Variants in FBXO4 observed in about 807,000 individuals in gnomAD.
FBXO4 encodes the protein F-box protein 4.
In FBXO4, 36 loss-of-function variants were observed where a neutral mutation model predicts 43.7. The observed-to-expected ratio is 0.82, with a 90% CI of 0.63 to 1.09. FBXO4 has a LOEUF of 1.09. Ranked by LOEUF, FBXO4 falls within the 50% of genes least tolerant of loss-of-function variation. FBXO4 has a pLI of 0.00. For synonymous variants in FBXO4, 180 were observed against 165.6 expected, an observed-to-expected ratio of 1.09 and a Z score of -0.67; for missense variants, 435 against 474.1, an observed-to-expected ratio of 0.92 and a Z score of 0.77.
downstream of FBXO4, among the ~76,000 whole-genome samples, chr5:41,945,194 C>G (rs984747226): frequency 1.6e-4 from 25 of 152,076 alleles, no homozygotes; most frequent in African/African-American, 6.0e-4. Flanking sequence ...AAGAAACTTT[C>G]AATACAACTA....
At chr5:41,986,702 A>G in the FBXO4 span, among the ~76,000 whole-genome samples, 1 of 152,162 alleles carries the variant, frequency 6.6e-6, no homozygotes, top group Non-Finnish European at 1.5e-5. Flanking sequence ...AAGATAGCAC[A>G]AAGACCCCAA....
the FBXO4 span, among the ~76,000 whole-genome samples, chr5:42,017,391 A>T: frequency 6.6e-6 from 1 of 152,044 alleles, no homozygotes; most frequent in African/African-American, 2.4e-5. Context: ...GACTTTTTTA[A>T]GGTAGTTTAT....
intron 5 of FBXO4, among the ~76,000 whole-genome samples, chr5:41,938,979 C>G (rs934819005): frequency 6.6e-6 from 1 of 152,220 alleles, no homozygotes; most frequent in African/African-American, 2.4e-5. Flanking sequence ...TTCTTAAAGT[C>G]AACCGTGTCT....
At chr5:42,022,750 A>T in the FBXO4 span, among the ~76,000 whole-genome samples, 1 of 152,080 alleles carries the variant, frequency 6.6e-6, no homozygotes, top group Non-Finnish European at 1.5e-5. Flanking sequence ...AAATAAAATC[A>T]CATGGTCTTT....
chr5:41,945,776 A>G (rs1266068379), downstream of FBXO4, among the ~76,000 whole-genome samples: 4 of 151,848 alleles, frequency 2.6e-5, no homozygotes, highest in Non-Finnish European at 5.9e-5. Flanking sequence ...GTTAAGGCAT[A>G]CTCCCTTCTG....
chr5:41,963,571 G>A, the FBXO4 span, among the ~76,000 whole-genome samples: 2 of 152,074 alleles, frequency 1.3e-5, no homozygotes, highest in Non-Finnish European at 2.9e-5. Flanking sequence ...TTTTGTATAC[G>A]TATTTTGTCT....
At chr5:41,972,583 A>G in the FBXO4 span, among the ~76,000 whole-genome samples, 3 of 152,302 alleles carry the variant, frequency 2.0e-5, no homozygotes, top group South Asian at 2.1e-4. Flanking sequence ...TCTAAAATTC[A>G]TATGGAACCA....
chr5:41,934,238 T>G lies in FBXO4; in HGVS notation c.828T>G (p.Ile276Met). 2 of 1,614,182 alleles carry G rather than the reference T, an allele frequency of 1.2e-6. No individual in the cohort carries two copies. The highest frequency in any genetic ancestry group is 1.7e-6 in the Non-Finnish European group (2 of 1,180,024). The change falls in exon 5 of 7, where the codon ATT becomes ATG. Residue 276 changes from isoleucine (I) to methionine (M), a missense_variant. Physicochemically the swap from Ile to Met is conservative, Grantham distance 10. Transcript: ENST00000281623. ...DDQQGSRYSV[I>M]PQIQKVCEVV... ...AACAAGGAAGCCGGTACAGTGTGAT[T>G]CCACAGATTCAAAAAGTGTGTGAAG... is the stretch of plus-strand genomic sequence containing the variant.
the FBXO4 span, among the ~76,000 whole-genome samples, chr5:42,030,445 C>G: frequency 6.6e-6 from 1 of 151,968 alleles, no homozygotes; most frequent in South Asian, 2.1e-4. Context: ...ACACCTTACA[C>G]AAAAATTAAT....
chr5:41,988,118 T>TG, the FBXO4 span, among the ~76,000 whole-genome samples: 31 of 152,174 alleles, frequency 2.0e-4, no homozygotes, highest in African/African-American at 4.8e-4. Context: ...TGGTAACATG[T>TG]GGGGGGGAGA....
chr5:41,967,673 A>G, the FBXO4 span: 2 of 675,278 alleles, frequency 3.0e-6, no homozygotes, highest in Non-Finnish European at 5.4e-6. Context: ...AGTAGCTGGT[A>G]TACGGAATAC....
the FBXO4 span, among the ~76,000 whole-genome samples, chr5:41,969,051 G>T: frequency 1.3e-5 from 2 of 152,216 alleles, no homozygotes; most frequent in South Asian, 4.1e-4. Context: ...AAGCTCTTTT[G>T]CAAATGGTTT....
the FBXO4 span, among the ~76,000 whole-genome samples, chr5:42,006,914 A>ATATATATATATATATATATATATGTATG: frequency 1.4e-5 from 2 of 141,498 alleles, no homozygotes; most frequent in African/African-American, 5.3e-5. Flanking sequence ...ATATATATAT[A>ATATATATATATATATATATATATGTATG]TATGTATATA....
At chr5:41,974,593 C>T in the FBXO4 span, among the ~76,000 whole-genome samples, 1 of 152,170 alleles carries the variant, frequency 6.6e-6, no homozygotes, top group African/African-American at 2.4e-5. Flanking sequence ...CTATTTGTTT[C>T]TAACATTTCC....
chr5:41,941,328 T>TA lies in FBXO4; in HGVS notation c.*49dup. 1 of 1,535,856 alleles carries TA rather than the reference T, an allele frequency of 6.5e-7. No homozygotes were observed. ...ACTGAAACCATTTGAAATTTATTACTAAGGTCGTGATGTGAATATTTGCTC... is the reference window on the plus strand; with the variant it reads ...ACTGAAACCATTTGAAATTTATTACTAAAGGTCGTGATGTGAATATTTGCTC... On this transcript the variant is annotated 3_prime_UTR_variant, in exon 7 of 7. Coordinates refer to ENST00000281623, the MANE Select transcript of FBXO4 (RefSeq NM_012176.3).
chr5:41,977,550 G>T, the FBXO4 span, among the ~76,000 whole-genome samples: 1 of 152,184 alleles, frequency 6.6e-6, no homozygotes, highest in African/African-American at 2.4e-5. Context: ...AGGCAACCAA[G>T]ATCTTTGCTA....
chr5:41,990,034 T>A, the FBXO4 span, among the ~76,000 whole-genome samples: 5 of 152,176 alleles, frequency 3.3e-5, no homozygotes, highest in Non-Finnish European at 7.4e-5. Flanking sequence ...CTGGGGTGCA[T>A]CTTGAGTCCT....
rs147111164 is a variant in FBXO4 at position 41,927,027 on chromosome 5, A to T, written c.204A>T (p.Leu68=). 147 of 1,607,050 alleles carry T rather than the reference A, an allele frequency of 9.1e-5. No individual in the cohort carries two copies. In the African/African-American group the frequency reaches 1.8e-3, roughly 19 times the overall value. ...TLTRLPIDVQ[L]YILSFLSPHD... ...TTCTGTTTCAGATTGATGTACAGCT[A>T]TATATTTTGTCCTTTCTTTCACCTC... Residue 68 remains leucine (L), a synonymous_variant, in exon 2 of 7, where the codon CTA becomes CTT. Transcript: ENST00000281623.
chr5:42,001,340 C>G, the FBXO4 span, among the ~76,000 whole-genome samples: 1 of 152,138 alleles, frequency 6.6e-6, no homozygotes, highest in Non-Finnish European at 1.5e-5. Context: ...AGTGATTCTC[C>G]TCTCTCACCT....
Sources: gnomAD v4.1 joint callset for allele counts (sites outside exome capture counted in the v4.1 genomes callset) on GRCh38, gnomAD v4.1.1 for gene constraint, MANE v1.5 for transcripts, NCBI Gene and HGNC (gene_info 2026-07-23, HGNC 2026-07-21) for gene names.